Variants in SGCD observed in about 807,000 individuals in gnomAD.
SGCD encodes delta-sarcoglycan.
In SGCD, 18 loss-of-function variants were observed where a neutral mutation model predicts 36.6. The observed-to-expected ratio is 0.49, with a 90% CI of 0.34 to 0.73. The LOEUF (loss-of-function observed/expected upper bound fraction) is 0.73, where lower values mean the gene tolerates loss of function less well. Among genes scored for constraint, SGCD ranks in the 30% least tolerant of loss-of-function variants. The pLI, the probability that SGCD is intolerant of heterozygous loss-of-function variation, is 0.01. For missense variants in SGCD, 387 were observed against 346.7 expected (o/e 1.12, Z -0.92); for synonymous variants, 133 against 130.6 (o/e 1.02, Z -0.12).
At chr5:156,520,668 T>G (rs1267418262) in intron 4 of SGCD, among the ~76,000 whole-genome samples, 1 of 152,034 alleles carries the variant, frequency 6.6e-6, no homozygotes, top group East Asian at 1.9e-4. Flanking sequence ...AAAACAGCAT[T>G]GTACTGGTTC....
intron 3 of SGCD, among the ~76,000 whole-genome samples, chr5:156,173,538 A>G (rs578194500): frequency 6.6e-6 from 1 of 152,240 alleles, no homozygotes; most frequent in Non-Finnish European, 1.5e-5. Context: ...CATCCAGGGG[A>G]AAAAAAGAGA....
At chr5:156,388,448 C>G (rs1169518797) in intron 3 of SGCD, among the ~76,000 whole-genome samples, 2 of 152,142 alleles carry the variant, frequency 1.3e-5, no homozygotes, top group Non-Finnish European at 1.5e-5. Flanking sequence ...AAACGACTAT[C>G]AGATGTGCCC....
intron 1 of SGCD, among the ~76,000 whole-genome samples, chr5:156,018,897 T>C (rs765737837): frequency 4.6e-5 from 7 of 152,232 alleles, no homozygotes; most frequent in Non-Finnish European, 7.3e-5. Flanking sequence ...CTGCATAATT[T>C]TTCCCGGATT....
intron 6 of SGCD, among the ~76,000 whole-genome samples, chr5:156,615,343 T>A (rs538106041): frequency 6.6e-6 from 1 of 152,402 alleles, no homozygotes; most frequent in South Asian, 2.1e-4. Context: ...ATTAGTTTTT[T>A]AAATATATCC....
intron 3 of SGCD, among the ~76,000 whole-genome samples, chr5:156,393,467 C>A (rs1466271655): frequency 6.6e-6 from 1 of 152,150 alleles, no homozygotes; most frequent in African/African-American, 2.4e-5. Flanking sequence ...ATAATAAATA[C>A]TCAAAACTCA....
the SGCD span, among the ~76,000 whole-genome samples, chr5:155,806,612 A>G: frequency 3.3e-5 from 5 of 152,234 alleles, no homozygotes; most frequent in Non-Finnish European, 7.3e-5. Context: ...TTCATTTGTT[A>G]TAGATTATCA....
chr5:156,700,542 C>A (rs80153581), intron 7 of SGCD, among the ~76,000 whole-genome samples: 4,013 of 152,204 alleles, frequency 0.026, 176 homozygotes, highest in African/African-American at 0.091. Context: ...TTCCTTTGCA[C>A]CTATTCAAGG....
chr5:156,641,201 A>C (rs190692849), intron 6 of SGCD, among the ~76,000 whole-genome samples: 1 of 152,238 alleles, frequency 6.6e-6, no homozygotes, highest in Non-Finnish European at 1.5e-5. Context: ...TAGTTGTCCC[A>C]TAACTCACTC....
At chr5:155,845,871 C>T in the SGCD span, among the ~76,000 whole-genome samples, 23,041 of 152,226 alleles carry the variant, frequency 0.15, 2,723 homozygotes, top group African/African-American at 0.33. Context: ...TGCTGTCTCT[C>T]TGGGGCACTG....
At chr5:156,631,699 C>A (rs1167230502) in intron 6 of SGCD, among the ~76,000 whole-genome samples, 2 of 151,866 alleles carry the variant, frequency 1.3e-5, no homozygotes, top group Non-Finnish European at 2.9e-5. Flanking sequence ...CACCTTTTAG[C>A]GTACCTGTTT....
intron 3 of SGCD, among the ~76,000 whole-genome samples, chr5:156,375,576 G>A (rs906021228): frequency 5.3e-5 from 8 of 151,926 alleles, no homozygotes; most frequent in African/African-American, 1.9e-4. Context: ...TCCAAAGTGT[G>A]CCCCATTAAA....
intron 1 of SGCD, among the ~76,000 whole-genome samples, chr5:156,016,781 T>G (rs1217087294): frequency 6.6e-6 from 1 of 152,182 alleles, no homozygotes; most frequent in Non-Finnish European, 1.5e-5. Flanking sequence ...GTACCATAGC[T>G]TGTTCAACTA....
At chr5:156,211,167 A>G (rs1448257799) in intron 3 of SGCD, among the ~76,000 whole-genome samples, 2 of 150,744 alleles carry the variant, frequency 1.3e-5, no homozygotes, top group African/African-American at 2.4e-5. Flanking sequence ...GTGCTAAAGG[A>G]AAAAAAAACA....
rs77976335 is a variant in SGCD, at chr5:156,004,457, C to A, written c.-281-113421C>A. ...GAGGTGTTTTCCATATATTGTTTTA[C>A]TGAATAATGCTAACAACCCGTAAGG... On this transcript the variant is annotated intron_variant, in intron 1 of 9. Transcript: ENST00000517913. 6.0e-4 allele frequency among the ~76,000 whole-genome samples: 91 copies of A among 152,210 alleles called. 1 individual carries two copies. In the East Asian group the frequency reaches 0.014, roughly 23 times the overall value.
intron 1 of SGCD, among the ~76,000 whole-genome samples, chr5:155,936,843 C>T (rs1256248829): frequency 6.6e-6 from 1 of 152,226 alleles, no homozygotes; most frequent in Non-Finnish European, 1.5e-5. Context: ...TGCCCCCACT[C>T]ACTCAGTCTC....
At chr5:156,710,356 T>C (rs539564248) in intron 7 of SGCD, among the ~76,000 whole-genome samples, 71 of 152,300 alleles carry the variant, frequency 4.7e-4, no homozygotes, top group African/African-American at 1.7e-3. Context: ...CCAGGTACTT[T>C]GAAAAATACT....
At chr5:156,358,450 A>C (rs1460825144) in intron 3 of SGCD, among the ~76,000 whole-genome samples, 1 of 152,204 alleles carries the variant, frequency 6.6e-6, no homozygotes, top group African/African-American at 2.4e-5. Flanking sequence ...TCACCTCTTC[A>C]AGTCAATTAT....
the SGCD span, among the ~76,000 whole-genome samples, chr5:155,812,435 G>A: frequency 6.6e-6 from 1 of 152,162 alleles, no homozygotes; most frequent in Admixed American, 6.5e-5. Flanking sequence ...AATCCTGCAT[G>A]CAATTTTGTA....
the SGCD span, among the ~76,000 whole-genome samples, chr5:155,802,261 A>G: frequency 6.6e-6 from 1 of 152,204 alleles, no homozygotes; most frequent in African/African-American, 2.4e-5. Context: ...CAGATATGAG[A>G]CCACATAAAT....
Sources: gnomAD v4.1 joint callset for allele counts (sites outside exome capture counted in the v4.1 genomes callset) on GRCh38, gnomAD v4.1.1 for gene constraint, MANE v1.5 for transcripts, NCBI Gene and HGNC (gene_info 2026-07-23, HGNC 2026-07-21) for gene names.